Variants in STK32B observed in about 807,000 individuals in gnomAD.
STK32B encodes serine/threonine-protein kinase 32B.
In STK32B, 43 loss-of-function variants were observed where a neutral mutation model predicts 52.6. The observed-to-expected ratio is 0.82, with a 90% CI of 0.64 to 1.05. The LOEUF is 1.05. STK32B is among the 50% of genes least tolerant of loss of function. The pLI, the probability that STK32B is intolerant of heterozygous loss-of-function variation, is 0.00. For synonymous variants in STK32B, 238 were observed against 204.3 expected, an observed-to-expected ratio of 1.17 and a Z score of -1.41; for missense variants, 621 against 534.6, an observed-to-expected ratio of 1.16 and a Z score of -1.59.
chr4:5,179,251 T>G (rs182459555), intron 3 of STK32B, among the ~76,000 whole-genome samples: 1 of 152,182 alleles, frequency 6.6e-6, no homozygotes, highest in Admixed American at 6.5e-5. Context: ...TCACTCACTA[T>G]CACGAGAACA....
At chr4:5,474,370 C>T (rs1478765179) in intron 11 of STK32B, among the ~76,000 whole-genome samples, 3 of 152,212 alleles carry the variant, frequency 2.0e-5, no homozygotes, top group African/African-American at 4.8e-5. Context: ...CTCTGAGCCT[C>T]GGACTTCTCA....
At chr4:5,345,173 AT>A (rs1733368449) in intron 4 of STK32B, among the ~76,000 whole-genome samples, 1 of 151,190 alleles carries the variant, frequency 6.6e-6, no homozygotes, top group African/African-American at 2.4e-5. Flanking sequence ...CAATAAGAAA[AT>A]TTTAAAGTAA....
chr4:5,372,112 A>G (rs897931251), intron 4 of STK32B, among the ~76,000 whole-genome samples: 1 of 152,226 alleles, frequency 6.6e-6, no homozygotes, highest in African/African-American at 2.4e-5. Context: ...ACCTTAGCCA[A>G]CAGCTGAGCA....
chr4:5,433,159 C>T (rs966822287), intron 6 of STK32B, among the ~76,000 whole-genome samples: 1 of 118,998 alleles, frequency 8.4e-6, no homozygotes, highest in Non-Finnish European at 1.8e-5. Flanking sequence ...TGAAAAAGGA[C>T]CAGAGTAGAG....
At chr4:5,238,134 C>T (rs930188860) in intron 3 of STK32B, among the ~76,000 whole-genome samples, 1 of 152,108 alleles carries the variant, frequency 6.6e-6, no homozygotes, top group African/African-American at 2.4e-5. Flanking sequence ...TGACCACAAA[C>T]TGGGTGTCTT....
chr4:5,384,271 C>T (rs2109026972), intron 4 of STK32B, among the ~76,000 whole-genome samples: 1 of 152,024 alleles, frequency 6.6e-6, no homozygotes, highest in East Asian at 1.9e-4. Flanking sequence ...TGAGCATGGG[C>T]TGGAGAGGAA....
intron 3 of STK32B, among the ~76,000 whole-genome samples, chr4:5,242,796 G>C (rs997534659): frequency 1.3e-5 from 2 of 152,130 alleles, no homozygotes; most frequent in Non-Finnish European, 2.9e-5. Context: ...TTCTCCATAT[G>C]GCTAGCCAGT....
intron 6 of STK32B, among the ~76,000 whole-genome samples, chr4:5,424,670 C>T (rs1712933130): frequency 6.6e-6 from 1 of 152,230 alleles, no homozygotes; most frequent in African/African-American, 2.4e-5. Context: ...TAAAGCACCT[C>T]TTTGCGTTGC....
the STK32B span, among the ~76,000 whole-genome samples, chr4:5,034,666 A>C: frequency 6.6e-6 from 1 of 152,222 alleles, no homozygotes; most frequent in Admixed American, 6.5e-5. Flanking sequence ...TTTACAGAGT[A>C]ATCTTCACAT....
At chr4:5,116,452 A>G (rs946883502) in intron 1 of STK32B, among the ~76,000 whole-genome samples, 3 of 152,248 alleles carry the variant, frequency 2.0e-5, no homozygotes, top group Non-Finnish European at 2.9e-5. Flanking sequence ...GAATAGCTCA[A>G]TCAAGCTAAT....
At chr4:5,202,560 C>G (rs897278238) in intron 3 of STK32B, among the ~76,000 whole-genome samples, 5 of 152,254 alleles carry the variant, frequency 3.3e-5, no homozygotes, top group Admixed American at 3.3e-4. Context: ...ATTGATTGCC[C>G]TAGTAGAGGT....
chr4:5,259,053 A>G (rs1447723388), intron 3 of STK32B, among the ~76,000 whole-genome samples: 3 of 152,176 alleles, frequency 2.0e-5, no homozygotes, highest in African/African-American at 7.2e-5. Context: ...AGAGTTTTAC[A>G]TGACAACCTC....
At chr4:5,454,382 C>G (rs2109137281) in intron 7 of STK32B, among the ~76,000 whole-genome samples, 1 of 152,206 alleles carries the variant, frequency 6.6e-6, no homozygotes, top group Non-Finnish European at 1.5e-5. Flanking sequence ...AGGACCTATT[C>G]CAGGCCTCTC....
At chr4:5,161,491 A>G (rs1003251391) in intron 2 of STK32B, among the ~76,000 whole-genome samples, 2 of 152,184 alleles carry the variant, frequency 1.3e-5, no homozygotes, top group Admixed American at 1.3e-4. Flanking sequence ...TCCGTGTTCA[A>G]GGTAGGAAGG....
At chr4:5,347,819 A>G (rs1733566416) in intron 4 of STK32B, among the ~76,000 whole-genome samples, 1 of 152,164 alleles carries the variant, frequency 6.6e-6, no homozygotes, top group African/African-American at 2.4e-5. Flanking sequence ...CCATGGTAAG[A>G]CATGCCTTGC....
intron 1 of STK32B, among the ~76,000 whole-genome samples, chr4:5,101,965 T>A (rs1401140259): frequency 6.6e-6 from 1 of 152,220 alleles, no homozygotes; most frequent in Non-Finnish European, 1.5e-5. Context: ...CCTAGGACCA[T>A]CCTGTTTGTC....
intron 1 of STK32B, among the ~76,000 whole-genome samples, chr4:5,122,471 TC>T (rs1244062525): frequency 6.6e-6 from 1 of 152,156 alleles, no homozygotes; most frequent in African/African-American, 2.4e-5. Flanking sequence ...AGTTGTTAAC[TC>T]CTTCACTCAT....
chr4:5,413,643 A>G (rs59983354), intron 5 of STK32B, among the ~76,000 whole-genome samples: 5,154 of 152,298 alleles, frequency 0.034, 260 homozygotes, highest in African/African-American at 0.12. Flanking sequence ...CACTATAAAC[A>G]AAGTCAAAAC....
chr4:5,134,271 G>A (rs928074262), intron 1 of STK32B, among the ~76,000 whole-genome samples: 3 of 152,196 alleles, frequency 2.0e-5, no homozygotes, highest in African/African-American at 7.2e-5. Context: ...ACAGTGTTGA[G>A]AGGAGAGGCC....
Sources: gnomAD v4.1 joint callset for allele counts (sites outside exome capture counted in the v4.1 genomes callset) on GRCh38, gnomAD v4.1.1 for gene constraint, MANE v1.5 for transcripts, NCBI Gene and HGNC (gene_info 2026-07-23, HGNC 2026-07-21) for gene names.